DGKQ: variants seen among roughly 807,000 people sequenced by gnomAD.
The protein encoded by DGKQ is DAG kinase theta.
In DGKQ, 97 loss-of-function variants were observed where a neutral mutation model predicts 104.2. The observed-to-expected ratio is 0.93, with a 90% CI of 0.79 to 1.10. The LOEUF (loss-of-function observed/expected upper bound fraction) is 1.10. Among genes scored for constraint, DGKQ ranks in the 50% least tolerant of loss-of-function variants. The pLI, the probability that DGKQ is intolerant of heterozygous loss-of-function variation, is 0.00. For missense variants in DGKQ, 1,465 were observed against 1,352.1 expected (o/e 1.08, Z -1.31); for synonymous variants, 736 against 595.2 (o/e 1.24, Z -3.44).
intron 2 of DGKQ, 84 bp downstream of exon 2, chr4:970,909 A>C: frequency 5.6e-6 from 6 of 1,080,688 alleles, no homozygotes; most frequent in Non-Finnish European, 8.1e-6. Context: ...AACGTCTGAC[A>C]TGAAGGTTTT....
rs773803693 is a variant in DGKQ, at chr4:968,417, G to A, written c.538-10C>T. On this transcript the variant is annotated splice_polypyrimidine_tract_variant and intron_variant, in intron 4 of 22. Coordinates refer to ENST00000273814, the MANE Select transcript of DGKQ (RefSeq NM_001347.4). ...GGTGGTGATGGGTGTCCTGCAGAGC[G>A]GGGGCAGTCAGCAGCTGGGCCCGCC... The A allele has an allele frequency of 4.9e-5, 78 of 1,583,192 alleles. No individual in the cohort carries two copies. Among genetic ancestry groups the A allele is most frequent in the Middle Eastern group, 1.8e-4 (1 of 5,664 alleles).
rs780983058 is a variant in DGKQ at position 962,549 on chromosome 4, T to C, written c.2100A>G (p.Val700=). 2 of 1,610,362 alleles carry C rather than the reference T, an allele frequency of 1.2e-6. No homozygotes were observed. Among genetic ancestry groups the C allele is most frequent in the East Asian group, 2.2e-5 (1 of 44,878 alleles). ...CGTCGGCCTCGTCCACAGACAGCAGTACGGAGAACGGGTCCTCGCCGCTGT... is the reference window on the plus strand; with the variant it reads ...CGTCGGCCTCGTCCACAGACAGCAGCACGGAGAACGGGTCCTCGCCGCTGT... ...AGYSGEDPFS[V]LLSVDEADAV... is the part of the protein sequence containing the mutation. Residue 700 remains valine (V), a synonymous_variant, in exon 18 of 23, where the codon GTA becomes GTG. Coordinates refer to ENST00000273814, the MANE Select transcript of DGKQ (RefSeq NM_001347.4).
intron 13 of DGKQ, 115 bp from the exon 14 acceptor site, chr4:965,644 C>A: frequency 8.4e-7 from 1 of 1,189,688 alleles, no homozygotes. Context: ...GGCAGCCTCC[C>A]CAGGAAGTAC....
At chr4:961,357 CG>C in intron 21 of DGKQ, 109 bp downstream of exon 21, 1 of 1,290,156 alleles carries the variant, frequency 7.8e-7, no homozygotes, top group Non-Finnish European at 1.0e-6. Context: ...CAGCGGGGAC[CG>C]GGGACGCCCA....
intron 2 of DGKQ, 132 bp downstream of exon 2, chr4:970,861 C>T (rs1712873156): frequency 4.7e-6 from 3 of 641,098 alleles, no homozygotes; most frequent in South Asian, 3.8e-5. Context: ...TAATCCCGAG[C>T]AGTATCTGCC....
At position 971,891 on chromosome 4, in the gene DGKQ, C is replaced by T. The variant is rs1032562308; in HGVS notation, c.272-819G>A. On this transcript the variant is annotated intron_variant, in intron 1 of 22. Transcript: ENST00000273814. The surrounding 1 kb of genome is among the most constrained non-coding windows in gnomAD (Gnocchi z 4.0). ...GACAGGGAGCTCTTCCAGAAGGCCC[C>T]GCTGGTGCCGCCCTTCACCTGCTGC... 1.3e-5 allele frequency among the ~76,000 whole-genome samples: 2 copies of T among 152,090 alleles called. No individual in the cohort carries two copies. The highest frequency in any genetic ancestry group is 2.4e-5 in the African/African-American group (1 of 41,412).
In DGKQ at chr4:967,804, TGCGGGTCGG is replaced by T; in HGVS notation, c.812-11_812-3del. On this transcript the variant is annotated splice_region_variant and splice_polypyrimidine_tract_variant and intron_variant, in intron 6 of 22. Coordinates refer to ENST00000273814, the MANE Select transcript of DGKQ (RefSeq NM_001347.4). ...CGTCGGCGCCGTCGCCCCCCTCGCC[TGCGGGTCGG>T]GCACACGGACCCCTCATTCAGTGCG... 1 of 1,595,900 alleles carries T rather than the reference TGCGGGTCGG, an allele frequency of 6.3e-7. No individual in the cohort carries two copies.
chr4:968,344 T>C lies in DGKQ; in HGVS notation c.601A>G (p.Arg201Gly). 7.5e-7 allele frequency: 1 copy of C among 1,331,264 alleles called. No homozygotes were observed. The highest frequency in any genetic ancestry group is 1.3e-5 in the South Asian group (1 of 79,830). The allele number at this position is 1,331,264 out of a possible 1,614,324, so 82.5% of individuals were successfully genotyped here. A position where few individuals can be genotyped will look rare whatever the true frequency, so the allele number is the denominator to read the frequency against. Reference sequence around the variant, plus strand: ...ACGTCAGAGGAGCCGCACGTCTTCCTGCAGACCTCGCAGCGCGCTCCCGAG... The same window carrying C: ...ACGTCAGAGGAGCCGCACGTCTTCCCGCAGACCTCGCAGCGCGCTCCCGAG... ...LPSGARCEVC[R>G]KTCGSSDVLA... The change falls in exon 5 of 23, where the codon AGG becomes GGG. Residue 201 changes from arginine to glycine, a missense_variant. Arg to Gly is a moderately radical substitution (Grantham distance 125). Transcript: ENST00000273814.
At chr4:967,690 A>G (rs748179092) in intron 7 of DGKQ, 38 bp downstream of exon 7, 2 of 1,611,066 alleles carry the variant, frequency 1.2e-6, no homozygotes, top group South Asian at 1.1e-5. Context: ...CGCCCGGGGG[A>G]CCTCAGTGGA....
rs1209703022 is a variant in DGKQ at position 967,139 on chromosome 4, C to T, written c.1210G>A (p.Gly404Ser). 1 of 1,593,066 alleles carries T rather than the reference C, an allele frequency of 6.3e-7. No individual in the cohort carries two copies. Among genetic ancestry groups the T allele is most frequent in the East Asian group, 2.3e-5 (1 of 44,094 alleles). ...RAQEVLKIYP[G>S]WLKVGVAYVS... Reference sequence around the variant, plus strand: ...CGGGCCCAGTCTCACTTGAGCCAGCCAGGGTAGATCTTCAGGACCTCCTGG... The same window carrying T: ...CGGGCCCAGTCTCACTTGAGCCAGCTAGGGTAGATCTTCAGGACCTCCTGG... The change falls in exon 9 of 23, where the codon GGC becomes AGC. Residue 404 changes from glycine (G) to serine (S), a missense_variant. Physicochemically the swap from Gly to Ser is moderately conservative, Grantham distance 56. Coordinates refer to ENST00000273814, the MANE Select transcript of DGKQ (RefSeq NM_001347.4).
chr4:959,616 C>G lies in DGKQ; in HGVS notation c.*1004G>C, dbSNP rs547517295. On this transcript the variant is annotated 3_prime_UTR_variant, in exon 23 of 23. Transcript: ENST00000273814. ...CACGCTGACGAGGGATAGGACTGAG[C>G]AGATGTCGGCTCACACAGGCACTGG... is the stretch of plus-strand genomic sequence containing the variant. The G allele has an allele frequency of 1.3e-4, 20 of 152,522 alleles. No individual in the cohort carries two copies. Among genetic ancestry groups the G allele is most frequent in the African/African-American group, 4.6e-4 (19 of 41,558 alleles). 9.4% of individuals were successfully genotyped at this position (152,522 alleles called of 1,614,324 possible). A position where few individuals can be genotyped will look rare whatever the true frequency, so the allele number is the denominator to read the frequency against.
Position 962,774 on chromosome 4 carries a change from G to C in DGKQ, c.2033C>G (p.Thr678Arg). ...EPSVAILPLGTGNDLGRVLRW... is the reference protein window; with the variant it reads ...EPSVAILPLGRGNDLGRVLRW... ...CTCGGCTGCACGGCTGAGCCCACCT[G>C]TGCCCAGGGGCAGGATGGCCACAGA... The change falls in exon 17 of 23, where the codon ACA (threonine) becomes AGA (arginine). Residue 678 changes from threonine (T) to arginine (R), a missense_variant and splice_region_variant. Transcript: ENST00000273814. 6.2e-7 allele frequency: 1 copy of C among 1,605,168 alleles called. No individual in the cohort carries two copies. Among genetic ancestry groups the C allele is most frequent in the Non-Finnish European group, 8.5e-7 (1 of 1,176,740 alleles).
chr4:960,946 G>A, intron 22 of DGKQ, 103 bp downstream of exon 22: 2 of 1,538,552 alleles, frequency 1.3e-6, no homozygotes, highest in Admixed American at 4.0e-5. Flanking sequence ...GTGCTCCCTG[G>A]CCGCAGCCGG....
chr4:968,251 ACCCC>A, intron 5 of DGKQ, 27 bp downstream of exon 5: 1 of 249,884 alleles, frequency 4.0e-6, no homozygotes, highest in Non-Finnish European at 6.3e-6. Context: ...CTCCTGCCCC[ACCCC>A]CACCCCCTCG....
chr4:966,137 C>A lies in DGKQ; in HGVS notation c.1429-59G>T, dbSNP rs556302649. The A allele has an allele frequency of 2.0e-6, 3 of 1,506,210 alleles. No individual in the cohort carries two copies. The East Asian group carries it at 7.1e-5, about 36-fold the overall frequency. 93.3% of individuals were successfully genotyped at this position (1,506,210 alleles called of 1,614,324 possible). A position where few individuals can be genotyped will look rare whatever the true frequency, so the allele number is the denominator to read the frequency against. Reference sequence around the variant, plus strand: ...GAGAACGGCACCACCGCACCAGGCCCTCTGTCTCCTCACCCGCAAAACAGC... The same window carrying A: ...GAGAACGGCACCACCGCACCAGGCCATCTGTCTCCTCACCCGCAAAACAGC... On this transcript the variant is annotated intron_variant, in intron 12 of 22. Coordinates refer to ENST00000273814, the MANE Select transcript of DGKQ (RefSeq NM_001347.4).
chr4:966,330 G>C, intron 12 of DGKQ, 136 bp downstream of exon 12: 1 of 1,013,236 alleles, frequency 9.9e-7, no homozygotes, highest in Non-Finnish European at 1.5e-6. Flanking sequence ...TCATGACGAG[G>C]GCGCTGCCCT....
At chr4:968,988 G>T in intron 2 of DGKQ, 78 bp from the exon 3 acceptor site, 1 of 928,512 alleles carries the variant, frequency 1.1e-6, no homozygotes, top group Non-Finnish European at 1.6e-6. Context: ...CTTCACCTGC[G>T]CAACTCTGCA....
In DGKQ at chr4:967,022, G is replaced by T. The variant is rs1712417225; in HGVS notation, c.1253C>A (p.Thr418Asn). 2 of 1,563,804 alleles carry T rather than the reference G, an allele frequency of 1.3e-6. No individual in the cohort carries two copies. The highest frequency in any genetic ancestry group is 1.9e-5 in the Admixed American group (1 of 53,624). The change falls in exon 10 of 23, where the codon ACC (threonine) becomes AAC (asparagine). Residue 418 changes from threonine (T) to asparagine (N), a missense_variant. Thr to Asn is a moderately conservative substitution (Grantham distance 65). Transcript: ENST00000273814. ...VGVAYVSVRV[T>N]PKSTARSVVL... ...CACAGAGCGGGCCGTGCTCTTCGGG[G>T]TCACTCGCACGGACACGTAGGCCAC... is the stretch of plus-strand genomic sequence containing the variant.
intron 15 of DGKQ, among the ~76,000 whole-genome samples, chr4:964,335 A>G (rs1712124756): frequency 6.6e-6 from 1 of 152,200 alleles, no homozygotes; most frequent in Admixed American, 6.5e-5. Flanking sequence ...GGTCACGATC[A>G]AGGGTCAAGG....
Sources: gnomAD v4.1 joint callset for allele counts (sites outside exome capture counted in the v4.1 genomes callset) on GRCh38, gnomAD v4.1.1 for gene constraint, Gnocchi (gnomAD v3.1) non-coding constraint, MANE v1.5 for transcripts, NCBI Gene and HGNC (gene_info 2026-07-23, HGNC 2026-07-21) for gene names.